ACER3: variants seen among roughly 807,000 people sequenced by gnomAD.
ACER3 encodes alkaline ceramidase 3, also known as alkCDase 3.
In ACER3, 16 loss-of-function variants were observed where a neutral mutation model predicts 48.9. That is an observed-to-expected ratio of 0.33 (90% CI 0.22 to 0.50). The LOEUF (loss-of-function observed/expected upper bound fraction) is 0.50, where lower values mean the gene tolerates loss of function less well. Ranked by LOEUF, ACER3 falls within the 20% of genes least tolerant of loss-of-function variation. The probability of loss-of-function intolerance (pLI) is 0.98; values close to 1 mark genes in which losing one functional copy is unlikely to be tolerated. For missense variants in ACER3, 227 were observed against 326.0 expected, an observed-to-expected ratio of 0.70 and a Z score of 2.34; for synonymous variants, 109 against 107.8, an observed-to-expected ratio of 1.01 and a Z score of -0.07.
intron 2 of ACER3, among the ~76,000 whole-genome samples, chr11:76,930,896 A>G (rs1172619481): frequency 2.6e-5 from 4 of 151,838 alleles, no homozygotes; most frequent in South Asian, 2.1e-4. Flanking sequence ...TATGTGGTCA[A>G]TTTTGGAATA....
intron 1 of ACER3, among the ~76,000 whole-genome samples, chr11:76,888,550 A>G (rs113863437): frequency 6.6e-6 from 1 of 152,170 alleles, no homozygotes; most frequent in Non-Finnish European, 1.5e-5. Flanking sequence ...CTGTGGAAGA[A>G]TCTATTAGCA....
chr11:77,020,425 A>T lies in ACER3; in HGVS notation c.*98A>T, dbSNP rs1487212061. The T allele has an allele frequency of 7.3e-7, 1 of 1,377,648 alleles. No individual in the cohort carries two copies. Among genetic ancestry groups the T allele is most frequent in the African/African-American group, 1.4e-5 (1 of 69,036 alleles). 85.3% of individuals were successfully genotyped at this position (1,377,648 alleles called of 1,614,324 possible). On this transcript the variant is annotated 3_prime_UTR_variant, in exon 11 of 11. Coordinates refer to ENST00000532485, the MANE Select transcript of ACER3 (RefSeq NM_018367.7). Reference sequence around the variant, plus strand: ...GATCTACAAGTTCAAATATGTCATGACCATCACAGCAGAGGAGTGACTTTC... The same window carrying T: ...GATCTACAAGTTCAAATATGTCATGTCCATCACAGCAGAGGAGTGACTTTC...
At chr11:76,864,632 C>T (rs1945027788) in intron 1 of ACER3, among the ~76,000 whole-genome samples, 1 of 112,786 alleles carries the variant, frequency 8.9e-6, no homozygotes, top group Non-Finnish European at 1.8e-5. Context: ...TAGAGTCTCG[C>T]TCTGTTGCCT....
At chr11:76,883,373 A>G (rs868565911) in intron 1 of ACER3, among the ~76,000 whole-genome samples, 7 of 150,494 alleles carry the variant, frequency 4.7e-5, no homozygotes, top group Middle Eastern at 3.5e-3. Flanking sequence ...GTAATAGGTG[A>G]TCTAAAATCT....
intron 1 of ACER3, among the ~76,000 whole-genome samples, chr11:76,883,542 G>A (rs1261093565): frequency 8.2e-5 from 12 of 146,040 alleles, no homozygotes; most frequent in African/African-American, 2.8e-4. Context: ...CTGGGTTCAA[G>A]TAATTCTCCT....
chr11:76,920,165 T>C (rs527718918), intron 1 of ACER3, among the ~76,000 whole-genome samples: 11 of 152,292 alleles, frequency 7.2e-5, no homozygotes, highest in African/African-American at 2.2e-4. Context: ...GCTCCTACAG[T>C]GCTGAGGCTT....
intron 1 of ACER3, among the ~76,000 whole-genome samples, chr11:76,907,919 A>G (rs11237005): frequency 0.062 from 9,337 of 151,722 alleles, 321 homozygotes; most frequent in Middle Eastern, 0.12. Context: ...TTATAAAGCT[A>G]TTGTTGCTTG....
intron 2 of ACER3, 66 bp from the exon 3 acceptor site, chr11:76,958,913 C>A: frequency 1.3e-6 from 2 of 1,534,930 alleles, no homozygotes; most frequent in Non-Finnish European, 1.8e-6. Context: ...GTCTTATTGT[C>A]TTCTCAGGTC....
chr11:76,911,730 A>G, intron 1 of ACER3, among the ~76,000 whole-genome samples: 1 of 152,184 alleles, frequency 6.6e-6, no homozygotes, highest in Non-Finnish European at 1.5e-5. Flanking sequence ...TGGCCTAAAT[A>G]TGGAAGCCTC....
chr11:76,870,407 T>C (rs1945213565), intron 1 of ACER3, among the ~76,000 whole-genome samples: 1 of 152,184 alleles, frequency 6.6e-6, no homozygotes, highest in Non-Finnish European at 1.5e-5. Context: ...GTGCTGGGAT[T>C]ACAGGTGTGA....
intron 9 of ACER3, 66 bp from the exon 10 acceptor site, chr11:77,019,665 A>G (rs1440822745): frequency 1.8e-5 from 26 of 1,483,184 alleles, no homozygotes; most frequent in Non-Finnish European, 2.4e-5. Flanking sequence ...TACGTTTGTC[A>G]GTACGCCAGT....
In ACER3 at chr11:76,995,545, T is replaced by C. The variant is rs144695638; in HGVS notation, c.439-3218T>C. Among the ~76,000 whole-genome samples the C allele has an allele frequency of 1.2e-3, 182 of 152,174 alleles. 1 individual carries two copies. Among genetic ancestry groups the C allele is most frequent in the Middle Eastern group, 3.4e-3 (1 of 294 alleles). On this transcript the variant is annotated intron_variant, in intron 6 of 10. Coordinates refer to ENST00000532485, the MANE Select transcript of ACER3 (RefSeq NM_018367.7). ...AATATAGAAAGATAAAATTTCACTA[T>C]AAAAATATACATATTGTTAGATAAA...
chr11:76,864,933 T>G (rs1945037043), intron 1 of ACER3, among the ~76,000 whole-genome samples: 1 of 149,440 alleles, frequency 6.7e-6, no homozygotes, highest in African/African-American at 2.4e-5. Context: ...TTTTTTTTTT[T>G]TTTTTTTAGC....
chr11:76,942,751 G>A (rs1359531050), intron 2 of ACER3, among the ~76,000 whole-genome samples: 1 of 151,886 alleles, frequency 6.6e-6, no homozygotes, highest in South Asian at 2.1e-4. Context: ...AGTTTCAGGA[G>A]TATTGGTATT....
At chr11:76,985,206 C>T (rs1481725651) in intron 4 of ACER3, among the ~76,000 whole-genome samples, 2 of 152,160 alleles carry the variant, frequency 1.3e-5, no homozygotes, top group Non-Finnish European at 2.9e-5. Context: ...CAGGCTCAAG[C>T]TCTCCTCCCA....
At position 76,990,612 on chromosome 11, in the gene ACER3, C is replaced by T. The variant is rs765540199; in HGVS notation, c.438+38C>T. 48 of 1,286,280 alleles carry T rather than the reference C, an allele frequency of 3.7e-5. No individual in the cohort carries two copies. The African/African-American group carries it at 4.0e-4, about 11-fold the overall frequency. The allele number at this position is 1,286,280 out of a possible 1,614,324, so 79.7% of individuals were successfully genotyped here. A position where few individuals can be genotyped will look rare whatever the true frequency, so the allele number is the denominator to read the frequency against. On this transcript the variant is annotated intron_variant, in intron 6 of 10. Transcript: ENST00000532485. ...AAATTATTACACATTAGATTGTTTA[C>T]GATACATGGCTGCTTTGTGATTTCC...
chr11:76,970,391 A>G (rs905599551), intron 3 of ACER3, among the ~76,000 whole-genome samples: 4 of 152,226 alleles, frequency 2.6e-5, no homozygotes, highest in African/African-American at 9.6e-5. Context: ...TATTATGAAA[A>G]CATCAGACAA....
chr11:76,931,357 G>T (rs1389346889), intron 2 of ACER3, among the ~76,000 whole-genome samples: 1 of 145,506 alleles, frequency 6.9e-6, no homozygotes, highest in Non-Finnish European at 1.5e-5. Context: ...GCCTATGTGT[G>T]TCTCTGCACA....
chr11:77,000,196 C>A (rs1473696306), intron 7 of ACER3, among the ~76,000 whole-genome samples: 2 of 152,094 alleles, frequency 1.3e-5, no homozygotes, highest in African/African-American at 2.4e-5. Context: ...ACATACCTTC[C>A]ATGTGCTTAT....
Sources: allele counts gnomAD v4.1 joint callset (sites outside exome capture counted in the v4.1 genomes callset), GRCh38; gene constraint gnomAD v4.1.1; transcripts MANE v1.5; gene names NCBI Gene and HGNC (gene_info 2026-07-23, HGNC 2026-07-21).